Variants in PIK3C2G observed in about 807,000 individuals in gnomAD.
PIK3C2G encodes the protein phosphatidylinositol 3-kinase C2 domain-containing subunit gamma.
A neutral mutation model predicts 181.1 loss-of-function variants in PIK3C2G; 168 were observed. The ratio of observed to expected loss-of-function variants is 0.93; its 90% CI spans 0.82 to 1.05. The LOEUF (loss-of-function observed/expected upper bound fraction) is 1.05, where lower values mean the gene tolerates loss of function less well. PIK3C2G is among the 50% of genes least tolerant of loss of function. The pLI is 0.00. For synonymous variants in PIK3C2G, 573 were observed against 592.2 expected (o/e 0.97, Z 0.47); for missense variants, 1,869 against 1,732.8 (o/e 1.08, Z -1.40).
intron 22 of PIK3C2G, among the ~76,000 whole-genome samples, chr12:18,499,338 C>T (rs1390853312): frequency 1.3e-5 from 2 of 152,088 alleles, no homozygotes; most frequent in African/African-American, 4.8e-5. Context: ...AATCAGGTTC[C>T]AAGGCTTACT....
chr12:18,500,884 C>G (rs766141008), intron 22 of PIK3C2G, among the ~76,000 whole-genome samples: 4 of 152,236 alleles, frequency 2.6e-5, no homozygotes, highest in Admixed American at 6.5e-5. Flanking sequence ...ACCCTCACCG[C>G]GAAGGTCTGT....
chr12:18,547,762 A>G (rs1290258794), intron 26 of PIK3C2G, among the ~76,000 whole-genome samples: 1 of 151,982 alleles, frequency 6.6e-6, no homozygotes. Context: ...TTAATAGTAC[A>G]ATGACCTCTG....
intron 18 of PIK3C2G, among the ~76,000 whole-genome samples, chr12:18,455,095 C>T (rs1485349203): frequency 1.3e-5 from 2 of 152,164 alleles, no homozygotes; most frequent in East Asian, 3.9e-4. Flanking sequence ...CCAGGAGGCC[C>T]ACTTCATCAA....
At chr12:18,387,728 C>G (rs1421488720) in intron 14 of PIK3C2G, among the ~76,000 whole-genome samples, 1 of 152,168 alleles carries the variant, frequency 6.6e-6, no homozygotes, top group African/African-American at 2.4e-5. Flanking sequence ...TATTCCTTCC[C>G]ACTGACTGAG....
intron 14 of PIK3C2G, among the ~76,000 whole-genome samples, chr12:18,388,374 G>T (rs569564667): frequency 2.8e-4 from 42 of 152,230 alleles, no homozygotes; most frequent in Non-Finnish European, 1.6e-4. Context: ...TGGTTCAAGC[G>T]ATTCTCTCTT....
intron 18 of PIK3C2G, among the ~76,000 whole-genome samples, chr12:18,426,808 C>CT (rs1289514655): frequency 6.6e-6 from 1 of 152,166 alleles, no homozygotes; most frequent in East Asian, 1.9e-4. Flanking sequence ...TGGTCGGAGA[C>CT]TGTTTGATTT....
At chr12:18,558,131 T>C (rs921289753) in intron 26 of PIK3C2G, among the ~76,000 whole-genome samples, 1 of 152,142 alleles carries the variant, frequency 6.6e-6, no homozygotes, top group Admixed American at 6.5e-5. Context: ...CTATTTAGGA[T>C]AGTATAATAC....
intron 29 of PIK3C2G, among the ~76,000 whole-genome samples, chr12:18,591,173 T>C (rs948254160): frequency 2.0e-5 from 3 of 151,944 alleles, no homozygotes; most frequent in Admixed American, 2.0e-4. Context: ...TAGACTTCTA[T>C]TAAACAAGTT....
Position 18,594,492 on chromosome 12 carries a change from A to G in PIK3C2G, c.4012-2A>G. The G allele has an allele frequency of 6.5e-7, 1 of 1,533,180 alleles. No individual in the cohort carries two copies. Among genetic ancestry groups the G allele is most frequent in the East Asian group, 2.4e-5 (1 of 41,110 alleles). 95.0% of individuals were successfully genotyped at this position (1,533,180 alleles called of 1,614,324 possible). A position where few individuals can be genotyped will look rare whatever the true frequency, so the allele number is the denominator to read the frequency against. On this transcript the variant is annotated splice_acceptor_variant, in intron 29 of 32. Transcript: ENST00000538779. LOFTEE classifies it high-confidence loss of function. ...AATATTATGTTTCATTTTGTTTTTC[A>G]GAGTGATTGTGTACTTAGCTTTTTC... is the stretch of plus-strand genomic sequence containing the variant.
At chr12:18,650,728 A>G (rs1383106282), downstream of PIK3C2G, among the ~76,000 whole-genome samples, 59 of 23,450 alleles carry the variant, frequency 2.5e-3, 2 homozygotes, top group African/African-American at 0.018. Flanking sequence ...ATATATATAT[A>G]TATATATATA....
chr12:18,467,484 A>G (rs1592334063), intron 18 of PIK3C2G, among the ~76,000 whole-genome samples: 1 of 141,314 alleles, frequency 7.1e-6, no homozygotes, highest in South Asian at 2.1e-4. Context: ...TTTTATTTAC[A>G]GGTTTTTTTT....
At chr12:18,594,469 T>C (rs947870455) in intron 29 of PIK3C2G, 25 bp from the exon 30 acceptor site, 8 of 1,414,068 alleles carry the variant, frequency 5.7e-6, no homozygotes, top group Non-Finnish European at 7.7e-6. Context: ...AATAAAGAAA[T>C]ATTATGTTTC....
At chr12:18,521,299 T>G (rs1942897217) in intron 24 of PIK3C2G, among the ~76,000 whole-genome samples, 1 of 152,192 alleles carries the variant, frequency 6.6e-6, no homozygotes, top group African/African-American at 2.4e-5. Context: ...TGCTTCACTG[T>G]GGGGAAAACC....
intron 16 of PIK3C2G, among the ~76,000 whole-genome samples, chr12:18,418,137 A>G (rs1056931963): frequency 6.6e-6 from 1 of 152,224 alleles, no homozygotes; most frequent in Admixed American, 6.5e-5. Flanking sequence ...CAGTTGAATT[A>G]GTCAGTAGTT....
intron 16 of PIK3C2G, among the ~76,000 whole-genome samples, chr12:18,413,694 A>G (rs1945001194): frequency 6.6e-6 from 1 of 152,124 alleles, no homozygotes; most frequent in African/African-American, 2.4e-5. Flanking sequence ...ATTCACTTCA[A>G]TAGTAATTAG....
intron 30 of PIK3C2G, among the ~76,000 whole-genome samples, chr12:18,603,411 T>C (rs1947837048): frequency 6.6e-6 from 1 of 152,126 alleles, no homozygotes; most frequent in Non-Finnish European, 1.5e-5. Context: ...CGGTGTTTCT[T>C]AGGAAGAAGA....
At chr12:18,574,925 T>A (rs1273874357) in intron 29 of PIK3C2G, among the ~76,000 whole-genome samples, 1 of 152,170 alleles carries the variant, frequency 6.6e-6, no homozygotes, top group Non-Finnish European at 1.5e-5. Context: ...AAAAAAAACT[T>A]ACTGAAATTT....
chr12:18,370,239 C>T (rs1484889272), intron 12 of PIK3C2G, among the ~76,000 whole-genome samples: 2 of 152,142 alleles, frequency 1.3e-5, no homozygotes, highest in Non-Finnish European at 2.9e-5. Flanking sequence ...ACGTATACCC[C>T]ATCCAGTCTT....
rs1283277306 is a variant in PIK3C2G at position 18,491,460 on chromosome 12, A to C, written c.2695A>C (p.Lys899Gln). 6.4e-7 allele frequency: 1 copy of C among 1,568,942 alleles called. No homozygotes were observed. The highest frequency in any genetic ancestry group is 2.2e-5 in the East Asian group (1 of 44,592). The change falls in exon 20 of 33, where the codon AAG (lysine) becomes CAG (glutamine). Residue 899 changes from lysine (K) to glutamine (Q), a missense_variant. Lys to Gln is a moderately conservative substitution (Grantham distance 53, BLOSUM62 1). Transcript: ENST00000538779. ...TAATGATTTTTCACAGGAGGTACTG[A>C]AGAAAGAAATTGGCAGACTAGAAGA... is the stretch of plus-strand genomic sequence containing the variant. ...ASDHQRQEVLKKEIGRLEEFF... is the reference protein window; with the variant it reads ...ASDHQRQEVLQKEIGRLEEFF...
Sources: allele counts gnomAD v4.1 joint callset (sites outside exome capture counted in the v4.1 genomes callset), GRCh38; gene constraint gnomAD v4.1.1; transcripts MANE v1.5; gene names NCBI Gene and HGNC (gene_info 2026-07-23, HGNC 2026-07-21).